CRPPA: variants seen among roughly 807,000 people sequenced by gnomAD.
CRPPA encodes CDP-L-ribitol pyrophosphorylase A, also known as D-ribitol-5-phosphate cytidylyltransferase.
Under a neutral mutation model 52.0 loss-of-function variants are expected in CRPPA, and 43 were observed. The observed-to-expected ratio is 0.83, with a 90% confidence interval of 0.65 to 1.07. CRPPA has a LOEUF of 1.07. Among genes scored for constraint, CRPPA ranks in the 50% least tolerant of loss-of-function variants. The pLI is 0.00. For missense variants in CRPPA, 629 were observed against 551.7 expected (o/e 1.14, Z -1.40); for synonymous variants, 250 against 203.5 (o/e 1.23, Z -1.94).
At chr7:16,319,149 C>T (rs1785205255) in intron 3 of CRPPA, among the ~76,000 whole-genome samples, 1 of 152,078 alleles carries the variant, frequency 6.6e-6, no homozygotes, top group Admixed American at 6.5e-5. Flanking sequence ...AATTTGTTTC[C>T]TATACAACTC....
intron 8 of CRPPA, among the ~76,000 whole-genome samples, chr7:16,252,176 C>G (rs1008813025): frequency 6.6e-6 from 1 of 152,010 alleles, no homozygotes; most frequent in African/African-American, 2.4e-5. Flanking sequence ...AAACGATATC[C>G]AGCAGCACAT....
chr7:16,156,381 A>T (rs910615376), intron 9 of CRPPA, among the ~76,000 whole-genome samples: 5 of 152,226 alleles, frequency 3.3e-5, no homozygotes, highest in African/African-American at 1.2e-4. Flanking sequence ...CCAAAGGGTT[A>T]ACGTCTTTTC....
At position 16,091,537 on chromosome 7, in the gene CRPPA, C is replaced by A; in HGVS notation, c.*158G>T. On this transcript the variant is annotated 3_prime_UTR_variant, in exon 10 of 10. Transcript: ENST00000407010. Reference sequence around the variant, plus strand: ...GTATTCTTTATTTCACAGATATAAACATTAATCTGCTTTATAATCTAAGCA... The same window carrying A: ...GTATTCTTTATTTCACAGATATAAAAATTAATCTGCTTTATAATCTAAGCA... 1 of 543,250 alleles carries A rather than the reference C, an allele frequency of 1.8e-6. No individual in the cohort carries two copies. The highest frequency in any genetic ancestry group is 2.6e-5 in the South Asian group (1 of 39,072). 33.7% of individuals were successfully genotyped at this position (543,250 alleles called of 1,614,324 possible). A position where few individuals can be genotyped will look rare whatever the true frequency, so the allele number is the denominator to read the frequency against.
At chr7:16,240,547 A>T (rs1783075064) in intron 8 of CRPPA, among the ~76,000 whole-genome samples, 1 of 150,082 alleles carries the variant, frequency 6.7e-6, no homozygotes, top group South Asian at 2.1e-4. Flanking sequence ...GCCTGCTCTT[A>T]AAGTCAATCA....
intron 3 of CRPPA, among the ~76,000 whole-genome samples, chr7:16,351,048 T>C (rs930646669): frequency 3.3e-5 from 5 of 151,958 alleles, no homozygotes; most frequent in African/African-American, 9.7e-5. Flanking sequence ...AAAAAGGATA[T>C]AACAATTTTA....
intron 8 of CRPPA, among the ~76,000 whole-genome samples, chr7:16,240,971 C>T (rs1346865663): frequency 3.9e-5 from 6 of 152,212 alleles, no homozygotes; most frequent in African/African-American, 1.2e-4. Context: ...GAATATTAAA[C>T]ACATATATGT....
At chr7:16,202,160 T>G (rs1484597921) in intron 9 of CRPPA, among the ~76,000 whole-genome samples, 1 of 152,210 alleles carries the variant, frequency 6.6e-6, no homozygotes, top group Non-Finnish European at 1.5e-5. Flanking sequence ...TTTTTAATAA[T>G]AAACTATCTC....
chr7:16,135,764 A>G (rs1782752210), intron 9 of CRPPA, among the ~76,000 whole-genome samples: 1 of 152,176 alleles, frequency 6.6e-6, no homozygotes, highest in Non-Finnish European at 1.5e-5. Context: ...CATTCATCTA[A>G]CAAAGCAATT....
intron 8 of CRPPA, among the ~76,000 whole-genome samples, chr7:16,250,125 T>C (rs1359553388): frequency 2.0e-5 from 3 of 152,012 alleles, no homozygotes; most frequent in Non-Finnish European, 2.9e-5. Context: ...CAGAAGAAAG[T>C]ATATCAGTGA....
At chr7:16,199,068 A>T (rs1055963803) in intron 9 of CRPPA, among the ~76,000 whole-genome samples, 2 of 152,070 alleles carry the variant, frequency 1.3e-5, no homozygotes, top group Non-Finnish European at 1.5e-5. Context: ...ACCCTTTGTA[A>T]TTTTTTACTG....
At chr7:16,111,495 T>A (rs1782263763) in intron 9 of CRPPA, among the ~76,000 whole-genome samples, 1 of 152,232 alleles carries the variant, frequency 6.6e-6, no homozygotes, top group African/African-American at 2.4e-5. Flanking sequence ...GCAGCACTAT[T>A]CACAATAGCC....
chr7:16,127,948 G>A (rs1462199303), intron 9 of CRPPA, among the ~76,000 whole-genome samples: 3 of 152,142 alleles, frequency 2.0e-5, no homozygotes, highest in Non-Finnish European at 2.9e-5. Context: ...GAAGTAATTA[G>A]TTCATGCAAT....
At chr7:16,117,731 C>T (rs1782404875) in intron 9 of CRPPA, among the ~76,000 whole-genome samples, 1 of 152,220 alleles carries the variant, frequency 6.6e-6, no homozygotes, top group Admixed American at 6.5e-5. Context: ...ACCTCATCTG[C>T]ATTCCCACCA....
intron 3 of CRPPA, among the ~76,000 whole-genome samples, chr7:16,350,622 T>C (rs1034462715): frequency 3.9e-5 from 6 of 152,062 alleles, no homozygotes; most frequent in Admixed American, 2.6e-4. Context: ...AAATGATTTT[T>C]TAAAAAGTGA....
At chr7:16,271,459 G>A (rs578161001) in intron 6 of CRPPA, among the ~76,000 whole-genome samples, 9 of 152,090 alleles carry the variant, frequency 5.9e-5, no homozygotes, top group East Asian at 3.9e-4. Flanking sequence ...TAGTAGCAAC[G>A]GTAACAGTAG....
At chr7:16,369,252 G>A (rs1786686012) in intron 3 of CRPPA, among the ~76,000 whole-genome samples, 1 of 152,174 alleles carries the variant, frequency 6.6e-6, no homozygotes, top group African/African-American at 2.4e-5. Context: ...TGAAAGGGTC[G>A]TGACTGATTT....
chr7:16,351,161 A>T (rs1786140753), intron 3 of CRPPA, among the ~76,000 whole-genome samples: 1 of 152,060 alleles, frequency 6.6e-6, no homozygotes, highest in East Asian at 1.9e-4. Context: ...TCAATACCAG[A>T]AATCTGGTAT....
At chr7:16,233,340 T>C (rs1335539559) in intron 8 of CRPPA, among the ~76,000 whole-genome samples, 1 of 152,070 alleles carries the variant, frequency 6.6e-6, no homozygotes, top group Non-Finnish European at 1.5e-5. Flanking sequence ...ACATCTTAAG[T>C]ATGCACGCAA....
chr7:16,415,399 C>T (rs989596173), intron 1 of CRPPA, among the ~76,000 whole-genome samples: 3 of 152,170 alleles, frequency 2.0e-5, no homozygotes, highest in African/African-American at 7.2e-5. Context: ...TTAATTTCCC[C>T]ACTGCCATAG....
Sources: allele counts gnomAD v4.1 joint callset (sites outside exome capture counted in the v4.1 genomes callset), GRCh38; gene constraint gnomAD v4.1.1; transcripts MANE v1.5; gene names NCBI Gene and HGNC (gene_info 2026-07-23, HGNC 2026-07-21).